Variants in ARPP21 observed in about 807,000 individuals in gnomAD.
ARPP21 encodes cAMP-regulated phosphoprotein 21.
Under a neutral mutation model 113.2 loss-of-function variants are expected in ARPP21, and 69 were observed. That is an observed-to-expected ratio of 0.61 (90% CI 0.50 to 0.74). The LOEUF is 0.74. Ranked by LOEUF, ARPP21 falls within the 30% of genes least tolerant of loss-of-function variation. The pLI, the probability that ARPP21 is intolerant of heterozygous loss-of-function variation, is 0.00. For missense variants in ARPP21, 1,070 were observed against 1,037.4 expected (o/e 1.03, Z -0.43); for synonymous variants, 368 against 375.5 (o/e 0.98, Z 0.23).
At chr3:35,732,459 G>A (rs575658360) in intron 15 of ARPP21, among the ~76,000 whole-genome samples, 63 of 152,282 alleles carry the variant, frequency 4.1e-4, no homozygotes, top group African/African-American at 1.4e-3. Context: ...GAGGTGTCAC[G>A]GAGGCTGTTT....
chr3:35,760,854 T>C (rs2095747717), intron 19 of ARPP21, among the ~76,000 whole-genome samples: 2 of 151,778 alleles, frequency 1.3e-5, no homozygotes, highest in Admixed American at 1.3e-4. Context: ...AATGGGCTTA[T>C]AAAAAAAATG....
In ARPP21 at chr3:35,775,686, A is replaced by G. The variant is rs558958009; in HGVS notation, c.2138-16696A>G. 2.0e-5 allele frequency among the ~76,000 whole-genome samples: 3 copies of G among 152,296 alleles called. No homozygotes were observed. In the South Asian group the frequency reaches 6.2e-4, roughly 32 times the overall value. ...GATTTTAATCTTCATTTTATGCAATATATTTTACAATATATATTAAATATA... is the reference window on the plus strand; with the variant it reads ...GATTTTAATCTTCATTTTATGCAATGTATTTTACAATATATATTAAATATA... On this transcript the variant is annotated intron_variant, in intron 19 of 20. Transcript: ENST00000684406.
chr3:35,776,460 A>G (rs2096370517), intron 19 of ARPP21, among the ~76,000 whole-genome samples: 1 of 152,164 alleles, frequency 6.6e-6, no homozygotes, highest in African/African-American at 2.4e-5. Context: ...TTTGTGTCTT[A>G]TCTTTGATGC....
intron 14 of ARPP21, among the ~76,000 whole-genome samples, chr3:35,725,954 C>A (rs2093502243): frequency 6.6e-6 from 1 of 152,174 alleles, no homozygotes; most frequent in African/African-American, 2.4e-5. Context: ...TGAACATGAC[C>A]TACAGGCTTA....
chr3:35,710,416 T>C (rs1258733489), intron 11 of ARPP21, among the ~76,000 whole-genome samples: 1 of 152,184 alleles, frequency 6.6e-6, no homozygotes, highest in African/African-American at 2.4e-5. Flanking sequence ...TAAGGATGCC[T>C]ACAGTGGCCT....
chr3:35,644,791 G>T (rs995432929), intron 1 of ARPP21, among the ~76,000 whole-genome samples: 9 of 151,842 alleles, frequency 5.9e-5, no homozygotes, highest in African/African-American at 1.9e-4. Context: ...TCCTGGAATT[G>T]CCAGGTGGAG....
chr3:35,774,363 A>C (rs1218265575), intron 19 of ARPP21, among the ~76,000 whole-genome samples: 1 of 152,150 alleles, frequency 6.6e-6, no homozygotes, highest in Non-Finnish European at 1.5e-5. Flanking sequence ...TTCTACATTA[A>C]ATTTACAAAG....
intron 11 of ARPP21, among the ~76,000 whole-genome samples, chr3:35,714,528 T>C (rs2092041348): frequency 6.6e-6 from 1 of 152,260 alleles, no homozygotes; most frequent in African/African-American, 2.4e-5. Flanking sequence ...TCTACGTATA[T>C]AGCAGGATGT....
At chr3:35,693,734 A>G (rs889530195) in intron 9 of ARPP21, among the ~76,000 whole-genome samples, 2 of 151,634 alleles carry the variant, frequency 1.3e-5, no homozygotes, top group Non-Finnish European at 3.0e-5. Flanking sequence ...AGGGCAATCA[A>G]CATGTGTTGG....
intron 2 of ARPP21, chr3:35,680,933 T>A (rs2078714751): frequency 6.6e-6 from 1 of 151,632 alleles, no homozygotes; most frequent in Non-Finnish European, 1.5e-5. Context: ...GAGAAAAAAA[T>A]AATAACAGAT....
chr3:35,682,752 TTC>T (rs774987467), intron 3 of ARPP21, 94 bp from the exon 4 acceptor site: 15 of 1,151,782 alleles, frequency 1.3e-5, no homozygotes, highest in Non-Finnish European at 1.7e-5. Context: ...AGTGACATTT[TTC>T]TCTCTTTCTT....
intron 1 of ARPP21, among the ~76,000 whole-genome samples, chr3:35,674,799 A>G (rs745493468): frequency 6.6e-6 from 1 of 151,936 alleles, no homozygotes; most frequent in Non-Finnish European, 1.5e-5. Context: ...CACACATGCC[A>G]TCATCAGATG....
chr3:35,687,498 G>A (rs1481922285), intron 5 of ARPP21, among the ~76,000 whole-genome samples: 2 of 151,092 alleles, frequency 1.3e-5, no homozygotes, highest in Middle Eastern at 3.4e-3. Flanking sequence ...CTTGGTTAAG[G>A]TTAATATTCA....
chr3:35,709,815 C>T (rs2090465535), intron 11 of ARPP21, among the ~76,000 whole-genome samples: 5 of 152,196 alleles, frequency 3.3e-5, no homozygotes, highest in Non-Finnish European at 1.5e-5. Flanking sequence ...GTGGGTTCTT[C>T]CCCCTGCGTC....
chr3:35,782,179 A>G (rs1181586146), intron 19 of ARPP21, among the ~76,000 whole-genome samples: 1 of 152,206 alleles, frequency 6.6e-6, no homozygotes, highest in Non-Finnish European at 1.5e-5. Flanking sequence ...AGCCTGTTTC[A>G]GTTTCTTCAT....
intron 14 of ARPP21, among the ~76,000 whole-genome samples, chr3:35,725,797 C>T (rs979921164): frequency 6.6e-6 from 1 of 152,182 alleles, no homozygotes; most frequent in East Asian, 1.9e-4. Flanking sequence ...TTTCTCCTCC[C>T]TGTGGCTACC....
At chr3:35,658,059 C>T (rs1384270778) in intron 1 of ARPP21, among the ~76,000 whole-genome samples, 5 of 152,074 alleles carry the variant, frequency 3.3e-5, no homozygotes, top group African/African-American at 1.2e-4. Context: ...TGGAATAATA[C>T]TCTCTTGTGA....
chr3:35,720,057 G>A (rs1241020088), intron 13 of ARPP21, among the ~76,000 whole-genome samples: 1 of 152,208 alleles, frequency 6.6e-6, no homozygotes, highest in African/African-American at 2.4e-5. Context: ...GGTCATTGGT[G>A]AAGGTCTGGC....
chr3:35,777,586 A>G (rs1051764163), intron 19 of ARPP21, among the ~76,000 whole-genome samples: 41 of 152,346 alleles, frequency 2.7e-4, no homozygotes, highest in African/African-American at 9.6e-4. Flanking sequence ...AATGTACTAA[A>G]CTTGAGACTA....
Sources: gnomAD v4.1 joint callset for allele counts (sites outside exome capture counted in the v4.1 genomes callset) on GRCh38, gnomAD v4.1.1 for gene constraint, MANE v1.5 for transcripts, NCBI Gene and HGNC (gene_info 2026-07-23, HGNC 2026-07-21) for gene names.